Variants in DCAF6 observed in about 807,000 individuals in gnomAD.
DCAF6 encodes DDB1- and CUL4-associated factor 6.
DCAF6 carries 54 observed loss-of-function variants against 125.1 expected under a neutral mutation model. That is an observed-to-expected ratio of 0.43 (90% CI 0.35 to 0.54). DCAF6 has a LOEUF of 0.54. Among genes scored for constraint, DCAF6 ranks in the 20% least tolerant of loss-of-function variants. The pLI is 0.01. For synonymous variants in DCAF6, 371 were observed against 390.4 expected (o/e 0.95, Z 0.58); for missense variants, 934 against 1,161.7 (o/e 0.80, Z 2.85).
chr1:168,006,471 G>T (rs188886280), intron 10 of DCAF6, among the ~76,000 whole-genome samples: 6 of 152,166 alleles, frequency 3.9e-5, no homozygotes, highest in Non-Finnish European at 7.4e-5. Flanking sequence ...TGAGAAAAAT[G>T]ATTTGGTGTT....
At chr1:167,938,523 G>A (rs73024130) in intron 1 of DCAF6, among the ~76,000 whole-genome samples, 11,463 of 152,236 alleles carry the variant, frequency 0.075, 539 homozygotes, top group Middle Eastern at 0.1. Flanking sequence ...TGTAGGATAA[G>A]TACCTAGAGT....
chr1:167,982,452 A>G (rs1679340680), intron 4 of DCAF6, among the ~76,000 whole-genome samples: 3 of 152,148 alleles, frequency 2.0e-5, no homozygotes, highest in South Asian at 2.1e-4. Flanking sequence ...CGCGTCAACC[A>G]GGATGGTTTT....
At chr1:168,058,297 A>G (rs1407131384) in intron 17 of DCAF6, among the ~76,000 whole-genome samples, 1 of 152,202 alleles carries the variant, frequency 6.6e-6, no homozygotes, top group Non-Finnish European at 1.5e-5. Flanking sequence ...ATTTCTCCTG[A>G]TAACAGTTTT....
At chr1:167,995,247 A>C (rs910564041) in intron 7 of DCAF6, among the ~76,000 whole-genome samples, 4 of 152,230 alleles carry the variant, frequency 2.6e-5, no homozygotes, top group Non-Finnish European at 5.9e-5. Flanking sequence ...GATACCATGG[A>C]ATACTTAGCC....
intron 1 of DCAF6, among the ~76,000 whole-genome samples, chr1:167,943,296 TC>T (rs1672540949): frequency 6.6e-6 from 1 of 152,196 alleles, no homozygotes; most frequent in African/African-American, 2.4e-5. Flanking sequence ...AACTAGCTTG[TC>T]AATTTCTACA....
At chr1:168,075,236 A>G in intron 21 of DCAF6, 135 bp from the exon 22 acceptor site, 1 of 696,738 alleles carries the variant, frequency 1.4e-6, no homozygotes, top group Admixed American at 3.6e-5. Context: ...TTACTCTTTT[A>G]TTTGCCTCTA....
chr1:168,021,132 G>A (rs985642908), intron 11 of DCAF6, among the ~76,000 whole-genome samples: 10 of 151,918 alleles, frequency 6.6e-5, no homozygotes, highest in African/African-American at 1.9e-4. Flanking sequence ...TTTTTTCCCC[G>A]TGACTTATTC....
intron 3 of DCAF6, among the ~76,000 whole-genome samples, chr1:167,967,662 C>G (rs1426681931): frequency 3.3e-5 from 5 of 151,206 alleles, no homozygotes; most frequent in Non-Finnish European, 7.4e-5. Flanking sequence ...CTAGCTGCCT[C>G]CCAACTCACA....
At chr1:167,951,088 T>C (rs775829144) in intron 1 of DCAF6, among the ~76,000 whole-genome samples, 5 of 152,228 alleles carry the variant, frequency 3.3e-5, no homozygotes, top group Admixed American at 1.3e-4. Context: ...TACTAACTTA[T>C]AGCACTTACA....
chr1:167,869,144 G>A, the DCAF6 span, among the ~76,000 whole-genome samples: 5 of 152,148 alleles, frequency 3.3e-5, no homozygotes, highest in Non-Finnish European at 7.4e-5. Context: ...GCACGGATTC[G>A]ACCCTGAAGC....
chr1:167,990,949 G>A lies in DCAF6; in HGVS notation c.553-255G>A, dbSNP rs1322487833. Among the ~76,000 whole-genome samples the A allele has an allele frequency of 2.0e-5, 3 of 152,112 alleles. No homozygotes were observed. The East Asian group carries it at 5.8e-4, about 29-fold the overall frequency. Reference sequence around the variant, plus strand: ...TGTATGGCCAACTATAAAGAAAAGAGTATCTTCCTTAGAAATATTGATTGA... The same window carrying A: ...TGTATGGCCAACTATAAAGAAAAGAATATCTTCCTTAGAAATATTGATTGA... On this transcript the variant is annotated intron_variant, in intron 5 of 21. Coordinates refer to ENST00000367840, the MANE Select transcript of DCAF6 (RefSeq NM_001198956.2).
the DCAF6 span, among the ~76,000 whole-genome samples, chr1:167,929,668 T>C: frequency 2.3e-3 from 357 of 152,350 alleles, 2 homozygotes; most frequent in African/African-American, 8.3e-3. Context: ...TAAAATATTA[T>C]ATGAATCCTA....
At chr1:168,010,466 A>G (rs1388828837) in intron 10 of DCAF6, among the ~76,000 whole-genome samples, 1 of 152,072 alleles carries the variant, frequency 6.6e-6, no homozygotes, top group Non-Finnish European at 1.5e-5. Context: ...TGGAATTTAA[A>G]ATCAGTTGAT....
chr1:167,996,570 C>G (rs1242067389), intron 7 of DCAF6, among the ~76,000 whole-genome samples: 1 of 152,164 alleles, frequency 6.6e-6, no homozygotes, highest in Admixed American at 6.5e-5. Context: ...CAAAGTGATC[C>G]TTAGAAACAT....
the DCAF6 span, chr1:167,883,524 G>A: frequency 1.2e-6 from 2 of 1,614,210 alleles, no homozygotes; most frequent in South Asian, 1.1e-5. Context: ...GGATGGCTGG[G>A]CCTATCTCTT....
chr1:168,022,702 A>G (rs950557747), intron 11 of DCAF6, among the ~76,000 whole-genome samples: 1 of 152,204 alleles, frequency 6.6e-6, no homozygotes, highest in South Asian at 2.1e-4. Context: ...TTTCTAATAT[A>G]TCTACCTTGC....
chr1:167,896,491 T>G, the DCAF6 span: 17 of 895,646 alleles, frequency 1.9e-5, no homozygotes, highest in South Asian at 1.7e-4. Flanking sequence ...GACCAGGAGC[T>G]GTGTTGAGGA....
At chr1:167,967,495 A>T (rs1031666353) in intron 3 of DCAF6, among the ~76,000 whole-genome samples, 1 of 152,196 alleles carries the variant, frequency 6.6e-6, no homozygotes, top group African/African-American at 2.4e-5. Context: ...TGTAATAAAA[A>T]GAAAGTGTGT....
chr1:167,955,578 CT>C (rs534755993), intron 2 of DCAF6, among the ~76,000 whole-genome samples: 4 of 147,686 alleles, frequency 2.7e-5, no homozygotes, highest in Admixed American at 6.8e-5. Flanking sequence ...ATTCAAGTAG[CT>C]TTTTTTTTTC....
Sources: allele counts gnomAD v4.1 joint callset (sites outside exome capture counted in the v4.1 genomes callset), GRCh38; gene constraint gnomAD v4.1.1; transcripts MANE v1.5; gene names NCBI Gene and HGNC (gene_info 2026-07-23, HGNC 2026-07-21).